GOLGA6L9: variants seen among roughly 807,000 people sequenced by gnomAD.
GOLGA6L9 encodes the protein golgin subfamily A member 6-like protein 9.
In GOLGA6L9, 19 loss-of-function variants were observed where a neutral mutation model predicts 51.3. The ratio of observed to expected loss-of-function variants is 0.37; its 90% CI spans 0.26 to 0.54. The LOEUF is 0.54. Among genes scored for constraint, GOLGA6L9 ranks in the 20% least tolerant of loss-of-function variants. The pLI, the probability that GOLGA6L9 is intolerant of heterozygous loss-of-function variation, is 0.83. For missense variants in GOLGA6L9, 247 were observed against 464.1 expected (o/e 0.53, Z 4.30); for synonymous variants, 97 against 184.2 (o/e 0.53, Z 3.83).
At chr15:82,420,567 G>A in the GOLGA6L9 span, among the ~76,000 whole-genome samples, 1 of 152,082 alleles carries the variant, frequency 6.6e-6, no homozygotes, top group East Asian at 1.9e-4. Context: ...TTAAAAGAGG[G>A]TATTATTAAT....
the GOLGA6L9 span, among the ~76,000 whole-genome samples, chr15:82,418,949 A>G: frequency 6.6e-6 from 1 of 152,232 alleles, no homozygotes; most frequent in African/African-American, 2.4e-5. Flanking sequence ...AGTTTTTGAC[A>G]TCATAAAAAT....
chr15:82,430,275 C>A, intron 1 of GOLGA6L9, 112 bp downstream of exon 1: 3 of 378,288 alleles, frequency 7.9e-6, no homozygotes, highest in African/African-American at 8.7e-5. Flanking sequence ...GCCCCCCAAC[C>A]CCAGCCCCTC....
chr15:82,418,305 G>C, the GOLGA6L9 span, among the ~76,000 whole-genome samples: 32 of 152,168 alleles, frequency 2.1e-4, no homozygotes, highest in Non-Finnish European at 4.1e-4. Context: ...CTTCTGGGGG[G>C]AAATACAGCA....
chr15:82,419,672 C>CA, the GOLGA6L9 span, among the ~76,000 whole-genome samples: 44 of 151,440 alleles, frequency 2.9e-4, no homozygotes, highest in Admixed American at 4.6e-4. Flanking sequence ...CAAAACAAAA[C>CA]AAAAAAAACA....
In GOLGA6L9 at chr15:82,432,614, A is replaced by G. The variant is rs2031456103; in HGVS notation, c.247A>G (p.Thr83Ala). Residue 83 changes from threonine (T) to alanine (A), a missense_variant, in exon 3 of 9, where the codon ACC (threonine) becomes GCC (alanine). Thr to Ala is a moderately conservative substitution (Grantham distance 58). Around this residue, in one of 9 missense-constraint regions of GOLGA6L9, gnomAD observed 74 missense variants for 91.2 expected, o/e 0.81. Coordinates refer to ENST00000618348, the MANE Select transcript of GOLGA6L9 (RefSeq NM_198181.4). ...CGGGGAGGGCCGTGCATCCTCTACT[A>G]CCCTGCAGGATCTGGAGGTAAGAGG... ...IYGEGRASSTTLQDLESQYQE... is the reference protein window; with the variant it reads ...IYGEGRASSTALQDLESQYQE... The G allele has an allele frequency of 7.5e-6, 12 of 1,604,434 alleles. No homozygotes were observed. The South Asian group carries it at 1.1e-4, about 15-fold the overall frequency.
the GOLGA6L9 span, among the ~76,000 whole-genome samples, chr15:82,418,479 C>G: frequency 6.6e-6 from 1 of 152,224 alleles, no homozygotes; most frequent in East Asian, 1.9e-4. Flanking sequence ...CTAAAACTAT[C>G]ATTCCCTTGA....
At chr15:82,425,963 A>T (rs1414132101), upstream of GOLGA6L9, among the ~76,000 whole-genome samples, 15 of 144,820 alleles carry the variant, frequency 1.0e-4, 1 homozygote, top group Admixed American at 1.0e-3. Flanking sequence ...TGTGAATGGG[A>T]TTTGGCCACA....
chr15:82,438,043 C>T lies in GOLGA6L9; in HGVS notation c.*1632C>T, dbSNP rs1413509193. On this transcript the variant is annotated 3_prime_UTR_variant, in exon 9 of 9. Coordinates refer to ENST00000618348, the MANE Select transcript of GOLGA6L9 (RefSeq NM_198181.4). ...TTTGAGTTCAGTTTAAAGACAGTTA[C>T]TTTAAGCCCATTTTAAACCCTCAGG... The T allele has an allele frequency of 6.6e-6, 1 of 151,026 alleles. No homozygotes were observed. Among genetic ancestry groups the T allele is most frequent in the East Asian group, 1.9e-4 (1 of 5,202 alleles). 9.4% of individuals were successfully genotyped at this position (151,026 alleles called of 1,614,324 possible). A position where few individuals can be genotyped will look rare whatever the true frequency, so the allele number is the denominator to read the frequency against.
At chr15:82,432,662 C>A in intron 3 of GOLGA6L9, 31 bp downstream of exon 3, 1 of 1,598,188 alleles carries the variant, frequency 6.3e-7, no homozygotes, top group South Asian at 1.1e-5. Context: ...GTGCAGTGAC[C>A]CTGCAGGCCA....
In GOLGA6L9 at chr15:82,436,475, C is replaced by T. The variant is rs1480583717; in HGVS notation, c.*64C>T. 240 of 1,534,232 alleles carry T rather than the reference C, an allele frequency of 1.6e-4. 7 individuals carry two copies. Among genetic ancestry groups the T allele is most frequent in the Middle Eastern group, 1.2e-3 (5 of 4,292 alleles). ...TAAGGGGTTAATATCCTACACAATT[C>T]ATTTACTTCATTTGAATGTTAGAGC... On this transcript the variant is annotated 3_prime_UTR_variant, in exon 9 of 9. Coordinates refer to ENST00000618348, the MANE Select transcript of GOLGA6L9 (RefSeq NM_198181.4).
rs2150825596 is a variant in GOLGA6L9 at position 82,429,965 on chromosome 15, C to G, written c.-115C>G. ...GACCAATGGGCTTGGAACATTAAGG[C>G]CACGCCCCTATTCTGCGTTCCATTG... On this transcript the variant is annotated 5_prime_UTR_variant, in exon 1 of 9. Transcript: ENST00000618348. 9.3e-7 allele frequency: 1 copy of G among 1,077,360 alleles called. No individual in the cohort carries two copies. The highest frequency in any genetic ancestry group is 1.7e-5 in the Admixed American group (1 of 59,204). The allele number at this position is 1,077,360 out of a possible 1,614,324, so 66.7% of individuals were successfully genotyped here.
chr15:82,417,707 A>T, the GOLGA6L9 span, among the ~76,000 whole-genome samples: 1 of 152,180 alleles, frequency 6.6e-6, no homozygotes, highest in Non-Finnish European at 1.5e-5. Context: ...CTTTTCCCAA[A>T]ACAAGTTCCT....
chr15:82,433,946 T>C (rs1753439590), intron 5 of GOLGA6L9, 88 bp from the exon 6 acceptor site: 10 of 1,459,700 alleles, frequency 6.9e-6, no homozygotes, highest in African/African-American at 1.6e-5. Flanking sequence ...TTGGGAAGCC[T>C]GAGAGGAGGA....
the GOLGA6L9 span, chr15:82,418,599 A>G: frequency 3.9e-5 from 6 of 152,214 alleles, no homozygotes; most frequent in Non-Finnish European, 7.3e-5. Context: ...ATCTTGATCT[A>G]AATAATTTTC....
Position 82,436,558 on chromosome 15 carries a change from G to A in GOLGA6L9, c.*147G>A, listed in dbSNP as rs2031688285. 12 of 975,002 alleles carry A rather than the reference G, an allele frequency of 1.2e-5. No homozygotes were observed. Among genetic ancestry groups the A allele is most frequent in the Admixed American group, 6.1e-5 (2 of 32,856 alleles). 60.4% of individuals were successfully genotyped at this position (975,002 alleles called of 1,614,324 possible). A position where few individuals can be genotyped will look rare whatever the true frequency, so the allele number is the denominator to read the frequency against. On this transcript the variant is annotated 3_prime_UTR_variant, in exon 9 of 9. Coordinates refer to ENST00000618348, the MANE Select transcript of GOLGA6L9 (RefSeq NM_198181.4). Reference sequence around the variant, plus strand: ...AATTTATTTGTGTTTCTAATTTATAGTTTAAATTTATTTGTTTCTAATTTA... The same window carrying A: ...AATTTATTTGTGTTTCTAATTTATAATTTAAATTTATTTGTTTCTAATTTA...
chr15:82,432,491 G>GA, intron 2 of GOLGA6L9, 81 bp from the exon 3 acceptor site: 1 of 1,556,242 alleles, frequency 6.4e-7, no homozygotes, highest in South Asian at 1.2e-5. Flanking sequence ...TTTGCCAGTT[G>GA]ATGGGGGAAG....
upstream of GOLGA6L9, among the ~76,000 whole-genome samples, chr15:82,429,621 A>T (rs2031330244): frequency 6.6e-6 from 1 of 152,158 alleles, no homozygotes; most frequent in South Asian, 2.1e-4. Flanking sequence ...GCTCCATTTG[A>T]AGATGAAAAA....
At position 82,429,832 on chromosome 15, in the gene GOLGA6L9, G is replaced by A. The variant is rs2435150; in HGVS notation, c.-248G>A. ...AGTGGGCGGCCTCTCCCCTCTCTCTGAGTGGGCGGGGACAGCGGTTGCATG... is the reference window on the plus strand; with the variant it reads ...AGTGGGCGGCCTCTCCCCTCTCTCTAAGTGGGCGGGGACAGCGGTTGCATG... On this transcript the variant is annotated 5_prime_UTR_variant, in exon 1 of 9. Transcript: ENST00000618348. Among the ~76,000 whole-genome samples the A allele has an allele frequency of 6.6e-6, 1 of 152,130 alleles. No homozygotes were observed. The highest frequency in any genetic ancestry group is 1.5e-5 in the Non-Finnish European group (1 of 68,032).
chr15:82,416,504 C>T, the GOLGA6L9 span, among the ~76,000 whole-genome samples: 1 of 151,954 alleles, frequency 6.6e-6, no homozygotes. Context: ...TTGAGGGCAC[C>T]GCTGTTGTCT....
Sources: gnomAD v4.1 joint callset for allele counts (sites outside exome capture counted in the v4.1 genomes callset) on GRCh38, gnomAD v4.1.1 for gene constraint, gnomAD v4.1.1 regional missense constraint, MANE v1.5 for transcripts, NCBI Gene and HGNC (gene_info 2026-07-23, HGNC 2026-07-21) for gene names.